BABAM2: variants seen among roughly 807,000 people sequenced by gnomAD.
BABAM2 encodes the protein BRISC and BRCA1-A complex member 2.
A neutral mutation model predicts 54.7 loss-of-function variants in BABAM2; 31 were observed. The observed-to-expected ratio is 0.57, with a 90% CI of 0.43 to 0.77. The LOEUF is 0.77. Among genes scored for constraint, BABAM2 ranks in the 30% least tolerant of loss-of-function variants. The probability of loss-of-function intolerance (pLI) is 0.00; values close to 1 mark genes in which losing one functional copy is unlikely to be tolerated. For synonymous variants in BABAM2, 167 were observed against 162.9 expected (o/e 1.03, Z -0.19); for missense variants, 364 against 455.8 (o/e 0.80, Z 1.83).
chr2:28,069,942 C>T (rs1663970373), intron 6 of BABAM2, among the ~76,000 whole-genome samples: 1 of 152,156 alleles, frequency 6.6e-6, no homozygotes, highest in Admixed American at 6.5e-5. Context: ...AGGTTTAATT[C>T]ATAGCTCACT....
intron 2 of BABAM2, among the ~76,000 whole-genome samples, chr2:27,929,051 T>TAAAAA (rs374733074): frequency 8.7e-6 from 1 of 114,604 alleles, no homozygotes; most frequent in African/African-American, 3.4e-5. Flanking sequence ...CCTCCTCTCT[T>TAAAAA]AAAAAAAAAA....
At chr2:28,271,613 A>C (rs1369861832) in intron 10 of BABAM2, among the ~76,000 whole-genome samples, 1 of 152,218 alleles carries the variant, frequency 6.6e-6, no homozygotes, top group Non-Finnish European at 1.5e-5. Context: ...AACCAGAGGC[A>C]GTCTCATGAT....
At chr2:28,006,363 A>G in intron 4 of BABAM2, among the ~76,000 whole-genome samples, 1 of 152,102 alleles carries the variant, frequency 6.6e-6, no homozygotes, top group Non-Finnish European at 1.5e-5. Flanking sequence ...TAGCTGAAAT[A>G]AGGACTATGT....
chr2:28,255,105 A>C (rs1683856067), intron 10 of BABAM2, among the ~76,000 whole-genome samples: 1 of 152,096 alleles, frequency 6.6e-6, no homozygotes, highest in African/African-American at 2.4e-5. Context: ...AATATCACCT[A>C]ATACCCAGTT....
chr2:27,892,120 G>C (rs1259876268), intron 1 of BABAM2, among the ~76,000 whole-genome samples: 2 of 152,168 alleles, frequency 1.3e-5, no homozygotes, highest in Non-Finnish European at 2.9e-5. Context: ...AGAAAGATGG[G>C]TATAGTGGAC....
intron 2 of BABAM2, among the ~76,000 whole-genome samples, chr2:27,909,905 A>G (rs1364052167): frequency 2.0e-5 from 3 of 152,198 alleles, no homozygotes; most frequent in Admixed American, 2.0e-4. Context: ...TAATATAACA[A>G]TAGCTGTTAT....
intron 6 of BABAM2, among the ~76,000 whole-genome samples, chr2:28,110,781 G>T (rs964403254): frequency 6.6e-6 from 1 of 152,034 alleles, no homozygotes; most frequent in Admixed American, 6.6e-5. Flanking sequence ...AGAAACTGCC[G>T]TACTGTTTTC....
intron 6 of BABAM2, among the ~76,000 whole-genome samples, chr2:28,092,241 A>G (rs933598627): frequency 1.3e-5 from 2 of 152,212 alleles, no homozygotes; most frequent in Admixed American, 1.3e-4. Flanking sequence ...AAAAATAAAT[A>G]AAAGACATAA....
intron 2 of BABAM2, among the ~76,000 whole-genome samples, chr2:27,906,946 G>GT (rs543030004): frequency 9.9e-5 from 15 of 152,032 alleles, no homozygotes; most frequent in Admixed American, 7.9e-4. Context: ...ACAGGTGAGG[G>GT]TTTTTTTTAG....
At chr2:27,974,626 A>G (rs1025023336) in intron 3 of BABAM2, among the ~76,000 whole-genome samples, 5 of 152,134 alleles carry the variant, frequency 3.3e-5, no homozygotes, top group Non-Finnish European at 5.9e-5. Context: ...AAGGACATCT[A>G]CCCAGAACCT....
chr2:28,145,864 G>A (rs1415072143), intron 7 of BABAM2, among the ~76,000 whole-genome samples: 1 of 151,916 alleles, frequency 6.6e-6, no homozygotes, highest in South Asian at 2.1e-4. Flanking sequence ...CTTTTTTTTA[G>A]CATAATGTTT....
At chr2:28,144,791 A>G (rs1671353153) in intron 7 of BABAM2, among the ~76,000 whole-genome samples, 1 of 152,244 alleles carries the variant, frequency 6.6e-6, no homozygotes, top group African/African-American at 2.4e-5. Flanking sequence ...GTCTGAAGAC[A>G]CATGGAGATA....
Position 28,131,070 on chromosome 2 carries a change from A to T in BABAM2, c.680+1690A>T, listed in dbSNP as rs867831137. Among the ~76,000 whole-genome samples the T allele has an allele frequency of 7.1e-3, 49 of 6,946 alleles. 5 individuals carry two copies. The highest frequency in any genetic ancestry group is 0.1 in the Middle Eastern group (1 of 10). 4.6% of individuals were successfully genotyped at this position (6,946 alleles called of 152,430 possible). On this transcript the variant is annotated intron_variant, in intron 7 of 11. Coordinates refer to ENST00000379624, the MANE Select transcript of BABAM2 (RefSeq NM_199191.3). The stretch of plus-strand genomic sequence containing the variant: ...AGAGTGTTTTATTATTATTATTATT[A>T]TTATTATTATTTTTTTTTTTTTTTT...
At chr2:28,256,104 C>A (rs528841291) in intron 10 of BABAM2, among the ~76,000 whole-genome samples, 1 of 152,180 alleles carries the variant, frequency 6.6e-6, no homozygotes, top group Admixed American at 6.5e-5. Flanking sequence ...TTATGTGGAA[C>A]CTGTTATCAA....
At chr2:27,992,160 T>TA (rs1215423789) in intron 4 of BABAM2, among the ~76,000 whole-genome samples, 2 of 152,242 alleles carry the variant, frequency 1.3e-5, no homozygotes, top group Non-Finnish European at 2.9e-5. Flanking sequence ...TTCATGTGCC[T>TA]ATTGGCTATT....
intron 7 of BABAM2, among the ~76,000 whole-genome samples, chr2:28,142,005 A>G (rs1199589077): frequency 6.6e-6 from 1 of 152,180 alleles, no homozygotes; most frequent in Non-Finnish European, 1.5e-5. Flanking sequence ...GTAAGTAGGC[A>G]GTGACTAAGG....
intron 5 of BABAM2, among the ~76,000 whole-genome samples, chr2:28,040,367 C>G (rs1297729164): frequency 2.5e-5 from 3 of 121,770 alleles, no homozygotes; most frequent in African/African-American, 9.4e-5. Context: ...GTGGCGGGAT[C>G]TCGGCTCACT....
At chr2:28,010,155 A>T (rs553410346) in intron 4 of BABAM2, among the ~76,000 whole-genome samples, 1 of 152,180 alleles carries the variant, frequency 6.6e-6, no homozygotes, top group African/African-American at 2.4e-5. Flanking sequence ...TGGGACTGTT[A>T]GCTTTTTTAT....
intron 7 of BABAM2, among the ~76,000 whole-genome samples, chr2:28,188,160 G>A (rs541011500): frequency 5.4e-4 from 82 of 152,206 alleles, no homozygotes; most frequent in African/African-American, 1.7e-3. Context: ...TGCCCGCCTC[G>A]TTCATTTGCT....
Sources: allele counts gnomAD v4.1 joint callset (sites outside exome capture counted in the v4.1 genomes callset), GRCh38; gene constraint gnomAD v4.1.1; transcripts MANE v1.5; gene names NCBI Gene and HGNC (gene_info 2026-07-23, HGNC 2026-07-21).